The following GRIK1 variants were observed in gnomAD, a reference collection of about 807,000 sequenced individuals.
The protein encoded by GRIK1 is glutamate ionotropic receptor kainate type subunit 1.
Under a neutral mutation model 105.7 loss-of-function variants are expected in GRIK1, and 69 were observed. The observed-to-expected ratio is 0.65, with a 90% confidence interval of 0.54 to 0.80. The LOEUF is 0.80. GRIK1 is among the 30% of genes least tolerant of loss of function. The pLI is 0.00. For missense variants in GRIK1, 1,109 were observed against 1,167.3 expected (o/e 0.95, Z 0.73); for synonymous variants, 438 against 431.3 (o/e 1.02, Z -0.19).
At chr21:29,620,776 TATATAGA>T (rs1568897152) in intron 7 of GRIK1, among the ~76,000 whole-genome samples, 25 of 119,424 alleles carry the variant, frequency 2.1e-4, no homozygotes, top group African/African-American at 9.5e-4. Flanking sequence ...AAGTCATATA[TATATAGA>T]TATATATATC....
At chr21:29,753,426 G>A (rs2145656649) in intron 1 of GRIK1, among the ~76,000 whole-genome samples, 1 of 152,262 alleles carries the variant, frequency 6.6e-6, no homozygotes, top group African/African-American at 2.4e-5. Flanking sequence ...ATATCTTAGA[G>A]GCAAATTGGA....
intron 1 of GRIK1, among the ~76,000 whole-genome samples, chr21:29,861,125 G>A (rs1435907526): frequency 6.6e-6 from 1 of 151,406 alleles, no homozygotes; most frequent in African/African-American, 2.4e-5. Context: ...ATAAGAGATA[G>A]TTTTATGTCT....
intron 1 of GRIK1, among the ~76,000 whole-genome samples, chr21:29,818,869 A>C (rs1406555536): frequency 1.3e-5 from 2 of 152,064 alleles, no homozygotes; most frequent in Non-Finnish European, 2.9e-5. Context: ...AGTCACTAAG[A>C]AAACTGACCT....
At chr21:29,715,493 A>C (rs372036068) in intron 1 of GRIK1, among the ~76,000 whole-genome samples, 10 of 150,218 alleles carry the variant, frequency 6.7e-5, no homozygotes, top group African/African-American at 2.3e-4. Flanking sequence ...ATTTAAATCA[A>C]ATTAATGCAA....
intron 1 of GRIK1, among the ~76,000 whole-genome samples, chr21:29,783,666 G>A (rs1489463443): frequency 1.3e-5 from 2 of 152,010 alleles, no homozygotes; most frequent in South Asian, 4.1e-4. Flanking sequence ...TTATTGACTG[G>A]TTTGTTGTTT....
At chr21:29,816,692 A>T (rs2067163214) in intron 1 of GRIK1, among the ~76,000 whole-genome samples, 1 of 152,172 alleles carries the variant, frequency 6.6e-6, no homozygotes. Context: ...AGCCAAGCAC[A>T]GAAAGTCAAA....
intron 6 of GRIK1, 53 bp downstream of exon 6, chr21:29,651,065 C>A: frequency 7.4e-7 from 1 of 1,354,262 alleles, no homozygotes; most frequent in Non-Finnish European, 1.0e-6. Flanking sequence ...GAGATCTTAA[C>A]CCCGAAGGCA....
chr21:29,884,294 T>A (rs1338554207), intron 1 of GRIK1, among the ~76,000 whole-genome samples: 1 of 152,048 alleles, frequency 6.6e-6, no homozygotes, highest in African/African-American at 2.4e-5. Flanking sequence ...TTATAAATCC[T>A]TTTTCCAGAG....
At chr21:29,758,310 T>TCA (rs986727622) in intron 1 of GRIK1, among the ~76,000 whole-genome samples, 12 of 152,326 alleles carry the variant, frequency 7.9e-5, no homozygotes, top group African/African-American at 2.9e-4. Flanking sequence ...TTTAATGGAC[T>TCA]CACAGTTCCA....
chr21:29,765,998 C>A (rs1304810454), intron 1 of GRIK1, among the ~76,000 whole-genome samples: 1 of 151,918 alleles, frequency 6.6e-6, no homozygotes, highest in East Asian at 1.9e-4. Context: ...ACTACAGGCG[C>A]CCGCCACCAC....
intron 16 of GRIK1, 38 bp downstream of exon 16, chr21:29,555,014 A>G (rs878900582): frequency 2.6e-6 from 4 of 1,540,976 alleles, no homozygotes; most frequent in Non-Finnish European, 3.5e-6. Flanking sequence ...AGATAATGCA[A>G]ACTATAAACT....
chr21:29,727,118 G>T (rs1255360414), intron 1 of GRIK1, among the ~76,000 whole-genome samples: 1 of 151,924 alleles, frequency 6.6e-6, no homozygotes, highest in Non-Finnish European at 1.5e-5. Context: ...TAGAGATGGG[G>T]TCTCATCATG....
Position 29,683,004 on chromosome 21 carries a change from C to T in GRIK1, c.544+6724G>A, listed in dbSNP as rs143794415. Among the ~76,000 whole-genome samples, 89 of 151,976 alleles carry T rather than the reference C, an allele frequency of 5.9e-4. 1 individual carries two copies. The East Asian group carries it at 9.5e-3, about 16-fold the overall frequency. ...AACAGACACTTCTCAAAAGAAGACA[C>T]GCAAGTGGCCAACGAGCATATGAAA... is the stretch of plus-strand genomic sequence containing the variant. On this transcript the variant is annotated intron_variant, in intron 3 of 17. Coordinates refer to ENST00000327783, the MANE Select transcript of GRIK1 (RefSeq NM_001330994.2).
rs769830269 is a variant in GRIK1, at chr21:29,689,724, A to G, written c.544+4T>C. On this transcript the variant is annotated splice_donor_region_variant and intron_variant, in intron 3 of 17. Coordinates refer to ENST00000327783, the MANE Select transcript of GRIK1 (RefSeq NM_001330994.2). ...TCGGGTGAGGTCTTGTGTGAGTCCCATACCTGTGCTGTCTTCATACACCAC... is the reference window on the plus strand; with the variant it reads ...TCGGGTGAGGTCTTGTGTGAGTCCCGTACCTGTGCTGTCTTCATACACCAC... 1.8e-5 allele frequency: 29 copies of G among 1,613,752 alleles called. 1 individual carries two copies. In the South Asian group the frequency reaches 2.3e-4, roughly 13 times the overall value.
chr21:29,651,935 A>G (rs363580), intron 5 of GRIK1, among the ~76,000 whole-genome samples: 7,331 of 152,170 alleles, frequency 0.048, 270 homozygotes, highest in Non-Finnish European at 0.073. Context: ...TTTCATTAAC[A>G]TGCTGCCCTA....
intron 1 of GRIK1, among the ~76,000 whole-genome samples, chr21:29,766,282 T>C (rs1438604429): frequency 1.3e-5 from 2 of 152,150 alleles, no homozygotes; most frequent in African/African-American, 2.4e-5. Context: ...ACGATTTTAT[T>C]GTCTCCACCC....
intron 1 of GRIK1, among the ~76,000 whole-genome samples, chr21:29,787,974 G>A (rs968535184): frequency 2.6e-5 from 4 of 152,136 alleles, no homozygotes; most frequent in Admixed American, 6.5e-5. Flanking sequence ...ATCTTTGTAC[G>A]AAGTTTCTCA....
intron 1 of GRIK1, among the ~76,000 whole-genome samples, chr21:29,751,421 C>CT (rs2065198787): frequency 1.3e-5 from 2 of 152,004 alleles, no homozygotes; most frequent in Admixed American, 1.3e-4. Context: ...GGCACTGGAC[C>CT]TTTTTTCCAG....
At chr21:29,560,560 CTT>C (rs1275629910) in intron 15 of GRIK1, among the ~76,000 whole-genome samples, 1 of 97,362 alleles carries the variant, frequency 1.0e-5, no homozygotes, top group African/African-American at 4.5e-5. Context: ...TTCTTTCTTT[CTT>C]TCTTTCTTTC....
Sources: gnomAD v4.1 joint callset for allele counts (sites outside exome capture counted in the v4.1 genomes callset) on GRCh38, gnomAD v4.1.1 for gene constraint, MANE v1.5 for transcripts, NCBI Gene and HGNC (gene_info 2026-07-23, HGNC 2026-07-21) for gene names.